LRRK2: variants seen among roughly 807,000 people sequenced by gnomAD.
LRRK2 encodes the protein leucine rich repeat kinase 2, also known as leucine-rich repeat serine/threonine-protein kinase 2.
LRRK2 carries 203 observed loss-of-function variants against 302.6 expected under a neutral mutation model. That is an observed-to-expected ratio of 0.67 (90% CI 0.60 to 0.75). LRRK2 has a LOEUF of 0.75. Ranked by LOEUF, LRRK2 falls within the 30% of genes least tolerant of loss-of-function variation. The pLI is 0.00. For synonymous variants in LRRK2, 1,066 were observed against 1,031.9 expected (o/e 1.03, Z -0.63); for missense variants, 2,830 against 2,951.0 (o/e 0.96, Z 0.95).
intron 18 of LRRK2, among the ~76,000 whole-genome samples, chr12:40,279,021 G>T (rs930605276): frequency 3.3e-5 from 5 of 151,500 alleles, no homozygotes; most frequent in Non-Finnish European, 1.5e-5. Context: ...TTTACATATG[G>T]TGTGTATTCA....
At chr12:40,233,179 T>G (rs1046325953) in intron 3 of LRRK2, among the ~76,000 whole-genome samples, 3 of 152,254 alleles carry the variant, frequency 2.0e-5, no homozygotes, top group African/African-American at 7.2e-5. Context: ...ATTGCACCAC[T>G]GCACTCCAGC....
chr12:40,237,522 G>A (rs1424675087), intron 4 of LRRK2, among the ~76,000 whole-genome samples: 1 of 152,184 alleles, frequency 6.6e-6, no homozygotes. Flanking sequence ...TAGAGAATGA[G>A]AAGAGAAAGG....
At chr12:40,331,831 A>ACT (rs1945720670) in intron 39 of LRRK2, among the ~76,000 whole-genome samples, 1 of 152,208 alleles carries the variant, frequency 6.6e-6, no homozygotes, top group Non-Finnish European at 1.5e-5. Context: ...TACTCACCAT[A>ACT]GGATTGGTTT....
In LRRK2 at chr12:40,299,161, T is replaced by G. The variant is rs1188311610; in HGVS notation, c.3400T>G (p.Leu1134Val). The change falls in exon 25 of 51, where the codon TTA (leucine) becomes GTA (valine). Residue 1134 changes from leucine (L) to valine (V), a missense_variant. Coordinates refer to ENST00000298910, the MANE Select transcript of LRRK2 (RefSeq NM_198578.4). ...CTTGAGACTGAAGGAACTGAAGATT[T>G]TAAACCTTAGTAAGAACCACATTTC... is the stretch of plus-strand genomic sequence containing the variant. ...SPLRLKELKILNLSKNHISSL... is the reference protein window; with the variant it reads ...SPLRLKELKIVNLSKNHISSL... 6.2e-7 allele frequency: 1 copy of G among 1,613,546 alleles called. No homozygotes were observed. The highest frequency in any genetic ancestry group is 8.5e-7 in the Non-Finnish European group (1 of 1,179,806).
intron 2 of LRRK2, among the ~76,000 whole-genome samples, chr12:40,227,554 A>G: frequency 6.6e-6 from 1 of 152,136 alleles, no homozygotes; most frequent in East Asian, 1.9e-4. Flanking sequence ...AGATTATGCA[A>G]TATTTTATTT....
chr12:40,334,832 G>A, intron 39 of LRRK2, 135 bp from the exon 40 acceptor site: 2 of 1,032,794 alleles, frequency 1.9e-6, no homozygotes, highest in South Asian at 1.4e-5. Flanking sequence ...AAAACTCAGA[G>A]AAGAAATGGA....
chr12:40,262,181 T>A (rs1380659449), intron 13 of LRRK2, among the ~76,000 whole-genome samples: 1 of 152,130 alleles, frequency 6.6e-6, no homozygotes, highest in Non-Finnish European at 1.5e-5. Context: ...CAAAGGGATA[T>A]GAAACTCTAT....
chr12:40,330,310 G>A (rs1056924831), intron 39 of LRRK2, among the ~76,000 whole-genome samples: 4 of 152,016 alleles, frequency 2.6e-5, no homozygotes, highest in Non-Finnish European at 4.4e-5. Flanking sequence ...TAGGAATCTA[G>A]GCTTGAAACA....
At chr12:40,339,285 A>G (rs1945966082) in intron 40 of LRRK2, among the ~76,000 whole-genome samples, 1 of 152,262 alleles carries the variant, frequency 6.6e-6, no homozygotes, top group Non-Finnish European at 1.5e-5. Flanking sequence ...AACATAGGTT[A>G]TAACATACCT....
chr12:40,277,687 G>A (rs1592208509), intron 16 of LRRK2, among the ~76,000 whole-genome samples: 2 of 151,964 alleles, frequency 1.3e-5, no homozygotes, highest in East Asian at 3.9e-4. Flanking sequence ...TTTATTCTCT[G>A]TGCCTGCTAT....
intron 44 of LRRK2, among the ~76,000 whole-genome samples, chr12:40,353,926 T>A (rs1220540141): frequency 6.6e-6 from 1 of 152,114 alleles, no homozygotes; most frequent in Non-Finnish European, 1.5e-5. Flanking sequence ...TGAGCCGAGA[T>A]GGCAGCAGTA....
intron 3 of LRRK2, among the ~76,000 whole-genome samples, chr12:40,233,563 G>T (rs142886447): frequency 6.6e-6 from 1 of 152,128 alleles, no homozygotes; most frequent in Non-Finnish European, 1.5e-5. Flanking sequence ...TGGAGTTCTC[G>T]TCTTCAATCT....
chr12:40,273,255 G>A (rs1943311810), intron 14 of LRRK2, among the ~76,000 whole-genome samples: 1 of 152,060 alleles, frequency 6.6e-6, no homozygotes, highest in Non-Finnish European at 1.5e-5. Context: ...TCATTTAATG[G>A]TTCTCAGATT....
intron 4 of LRRK2, among the ~76,000 whole-genome samples, chr12:40,235,943 C>CT (rs1457237086): frequency 1.3e-4 from 20 of 151,890 alleles, no homozygotes; most frequent in Non-Finnish European, 2.9e-4. Flanking sequence ...TCCATCTCTT[C>CT]TCCTTATCTC....
At chr12:40,314,209 C>T in intron 32 of LRRK2, 36 bp downstream of exon 32, 1 of 1,564,778 alleles carries the variant, frequency 6.4e-7, no homozygotes, top group Non-Finnish European at 8.8e-7. Context: ...CAAAGCTCAG[C>T]TGTAGTAACT....
chr12:40,250,499 T>A (rs891668180), intron 8 of LRRK2, among the ~76,000 whole-genome samples: 3 of 152,080 alleles, frequency 2.0e-5, no homozygotes, highest in Non-Finnish European at 4.4e-5. Context: ...TCAAAAAAAA[T>A]AATTTATTTG....
rs747735359 is a variant in LRRK2 at position 40,294,852 on chromosome 12, T to C, written c.2816T>C (p.Ile939Thr). 2.0e-6 allele frequency: 3 copies of C among 1,532,674 alleles called. No individual in the cohort carries two copies. The highest frequency in any genetic ancestry group is 2.3e-5 in the East Asian group (1 of 44,106). 94.9% of individuals were successfully genotyped at this position (1,532,674 alleles called of 1,614,324 possible). Residue 939 changes from isoleucine to threonine, a missense_variant, in exon 22 of 51, where the codon ATT becomes ACT. By Grantham distance (89) the Ile-to-Thr change is moderately conservative. This residue lies in a region of LRRK2 where 2,121 missense variants were observed against 2,148.0 expected (regional missense o/e 0.99). Transcript: ENST00000298910. ...LQRHSNSLGP[I>T]FDHEDLLKRK... is the part of the protein sequence containing the mutation. ...TAAATTATTTTTTAATAGGGGCCCA[T>C]TTTTGATCATGAAGATTTACTGAAG...
In LRRK2 at chr12:40,320,237, TCAAA is replaced by T. The variant is rs1217433490; in HGVS notation, c.5015+64_5015+67del. The T allele has an allele frequency of 1.1e-5, 15 of 1,353,910 alleles. No homozygotes were observed. In the African/African-American group the frequency reaches 1.7e-4, roughly 16 times the overall value. The allele number at this position is 1,353,910 out of a possible 1,614,324, so 83.9% of individuals were successfully genotyped here. A position where few individuals can be genotyped will look rare whatever the true frequency, so the allele number is the denominator to read the frequency against. On this transcript the variant is annotated intron_variant, in intron 34 of 50. Transcript: ENST00000298910. ...AATTCACTATCTATTCTTTTAATTG[TCAAA>T]CTAACTGTAGTCTATAATAGATGTA...
chr12:40,237,577 T>C (rs1247860405), intron 4 of LRRK2, among the ~76,000 whole-genome samples: 3 of 152,110 alleles, frequency 2.0e-5, no homozygotes, highest in Non-Finnish European at 4.4e-5. Flanking sequence ...CTTGGGTAGC[T>C]AGTGGATTAT....
Sources: allele counts gnomAD v4.1 joint callset (sites outside exome capture counted in the v4.1 genomes callset), GRCh38; gene constraint gnomAD v4.1.1; regional missense constraint gnomAD v4.1.1; transcripts MANE v1.5; gene names NCBI Gene and HGNC (gene_info 2026-07-23, HGNC 2026-07-21).